Variants in ARMC2 observed in about 807,000 individuals in gnomAD.
ARMC2 encodes the protein armadillo repeat-containing protein 2.
A neutral mutation model predicts 90.3 loss-of-function variants in ARMC2; 67 were observed. The ratio of observed to expected loss-of-function variants is 0.74; its 90% CI spans 0.61 to 0.91. The LOEUF is 0.91. Ranked by LOEUF, ARMC2 falls within the 40% of genes least tolerant of loss-of-function variation. The pLI is 0.00. For synonymous variants in ARMC2, 393 were observed against 393.0 expected (o/e 1.00, Z 0.00); for missense variants, 920 against 1,030.9 (o/e 0.89, Z 1.47).
chr6:108,991,702 T>C, the ARMC2 span, among the ~76,000 whole-genome samples: 3 of 152,214 alleles, frequency 2.0e-5, no homozygotes, highest in Non-Finnish European at 4.4e-5. Context: ...AATAAGCCCC[T>C]ACTTCTTTGT....
At chr6:109,041,150 A>C in the ARMC2 span, among the ~76,000 whole-genome samples, 10 of 150,976 alleles carry the variant, frequency 6.6e-5, no homozygotes, top group Middle Eastern at 6.8e-3. Context: ...AAAAAAAAAA[A>C]AACAAACCAA....
chr6:108,904,079 A>C, intron 7 of ARMC2, 151 bp from the exon 8 acceptor site: 1 of 863,566 alleles, frequency 1.2e-6, no homozygotes, highest in Non-Finnish European at 1.8e-6. Flanking sequence ...AGGTAGATGG[A>C]AGTGATAAGA....
At chr6:108,960,231 C>T (rs1777893910) in intron 13 of ARMC2, among the ~76,000 whole-genome samples, 1 of 152,160 alleles carries the variant, frequency 6.6e-6, no homozygotes, top group African/African-American at 2.4e-5. Flanking sequence ...CCGGGTGATT[C>T]CTCTCCCTCA....
chr6:108,889,963 C>T (rs1189678561), intron 5 of ARMC2, among the ~76,000 whole-genome samples: 1 of 148,404 alleles, frequency 6.7e-6, no homozygotes, highest in Non-Finnish European at 1.5e-5. Context: ...CCGAGGCGGG[C>T]GGATCACGAG....
At chr6:108,904,555 G>T in intron 8 of ARMC2, 150 bp downstream of exon 8, 2 of 681,580 alleles carry the variant, frequency 2.9e-6, no homozygotes, top group Non-Finnish European at 2.2e-6. Flanking sequence ...TGACATCTCA[G>T]AATTTGACTA....
intron 1 of ARMC2, among the ~76,000 whole-genome samples, chr6:108,850,520 C>T (rs1482506379): frequency 6.6e-6 from 1 of 152,146 alleles, no homozygotes; most frequent in Non-Finnish European, 1.5e-5. Context: ...TTCACTCATT[C>T]GTCACAACAT....
chr6:109,020,745 C>A, the ARMC2 span, among the ~76,000 whole-genome samples: 1 of 152,168 alleles, frequency 6.6e-6, no homozygotes, highest in Non-Finnish European at 1.5e-5. Flanking sequence ...CAGAGCATTA[C>A]CTGCAATATA....
At chr6:108,958,035 C>T (rs1014717719) in intron 13 of ARMC2, among the ~76,000 whole-genome samples, 1 of 152,120 alleles carries the variant, frequency 6.6e-6, no homozygotes, top group East Asian at 1.9e-4. Flanking sequence ...TTCTCTAAAC[C>T]TCAGTGTTCT....
the ARMC2 span, among the ~76,000 whole-genome samples, chr6:109,022,660 C>T: frequency 2.0e-5 from 3 of 151,864 alleles, no homozygotes; most frequent in South Asian, 4.2e-4. Context: ...GTGATCTGTC[C>T]GCCTCGGCCT....
At chr6:108,905,194 T>A (rs987795733) in intron 8 of ARMC2, among the ~76,000 whole-genome samples, 11 of 152,204 alleles carry the variant, frequency 7.2e-5, no homozygotes, top group Admixed American at 3.9e-4. Flanking sequence ...GAATTTAAAA[T>A]CTTACAGTAC....
the ARMC2 span, chr6:109,000,543 A>G: frequency 6.2e-7 from 1 of 1,611,156 alleles, no homozygotes; most frequent in Non-Finnish European, 8.5e-7. Context: ...CACTTTGTTA[A>G]GTTCTCCTAA....
rs869186045 is a variant in ARMC2 at position 108,890,189 on chromosome 6, C to CA, written c.672-4238dup. Reference sequence around the variant, plus strand: ...TGGGTGACAGAGCGAGACTCCGTCTCAAAAAAAAAAAAAAAAAAAAAAAAA... The same window carrying CA: ...TGGGTGACAGAGCGAGACTCCGTCTCAAAAAAAAAAAAAAAAAAAAAAAAAA... On this transcript the variant is annotated intron_variant, in intron 5 of 17. Coordinates refer to ENST00000392644, the MANE Select transcript of ARMC2 (RefSeq NM_032131.6). Among the ~76,000 whole-genome samples the CA allele has an allele frequency of 4.4e-4, 28 of 64,250 alleles. 2 individuals are homozygous for CA. Among genetic ancestry groups the CA allele is most frequent in the African/African-American group, 1.3e-3 (14 of 11,126 alleles). 42.2% of individuals were successfully genotyped at this position (64,250 alleles called of 152,430 possible).
intron 10 of ARMC2, among the ~76,000 whole-genome samples, chr6:108,921,448 A>T (rs1422907730): frequency 6.6e-6 from 1 of 152,222 alleles, no homozygotes. Flanking sequence ...GTTATCAAGG[A>T]TTATTAATTA....
At chr6:108,998,167 C>T in the ARMC2 span, among the ~76,000 whole-genome samples, 1 of 152,166 alleles carries the variant, frequency 6.6e-6, no homozygotes, top group African/African-American at 2.4e-5. Flanking sequence ...CACCACCAGG[C>T]CACACTATTT....
rs542781027 is a variant in ARMC2 at position 108,962,445 on chromosome 6, T to G, written c.2152+318T>G. On this transcript the variant is annotated intron_variant, in intron 15 of 17. Coordinates refer to ENST00000392644, the MANE Select transcript of ARMC2 (RefSeq NM_032131.6). ...TTATGTACTAGAATGTCTATTACAT[T>G]TTGCTTATAATAGCAAAAAGTAGAA... 4.7e-4 allele frequency among the ~76,000 whole-genome samples: 72 copies of G among 152,280 alleles called. No individual in the cohort carries two copies. The South Asian group carries it at 0.014, about 30-fold the overall frequency.
At chr6:108,853,081 C>G (rs750740269) in intron 1 of ARMC2, among the ~76,000 whole-genome samples, 7 of 152,048 alleles carry the variant, frequency 4.6e-5, no homozygotes, top group Non-Finnish European at 1.0e-4. Context: ...TGCTTAAATT[C>G]AAAATCCTGT....
intron 6 of ARMC2, among the ~76,000 whole-genome samples, chr6:108,896,330 CA>C (rs1358458509): frequency 5.9e-5 from 9 of 152,146 alleles, no homozygotes; most frequent in Non-Finnish European, 1.2e-4. Flanking sequence ...TTATATTTAG[CA>C]AACTGTGAAC....
intron 12 of ARMC2, among the ~76,000 whole-genome samples, chr6:108,948,515 A>G (rs1350441682): frequency 6.6e-6 from 1 of 151,276 alleles, no homozygotes; most frequent in Non-Finnish European, 1.5e-5. Flanking sequence ...AGTTGCTGGA[A>G]GTTTGGTGCT....
At chr6:109,050,272 G>T in the ARMC2 span, among the ~76,000 whole-genome samples, 1 of 152,048 alleles carries the variant, frequency 6.6e-6, no homozygotes, top group African/African-American at 2.4e-5. Context: ...ACCAGCTGAA[G>T]GTGGCATCTG....
Sources: gnomAD v4.1 joint callset for allele counts (sites outside exome capture counted in the v4.1 genomes callset) on GRCh38, gnomAD v4.1.1 for gene constraint, MANE v1.5 for transcripts, NCBI Gene and HGNC (gene_info 2026-07-23, HGNC 2026-07-21) for gene names.